The following FCMR variants were observed in gnomAD, a reference collection of about 807,000 sequenced individuals.
FCMR encodes the protein immunoglobulin mu Fc receptor.
A neutral mutation model predicts 41.6 loss-of-function variants in FCMR; 34 were observed. The observed-to-expected ratio is 0.82, with a 90% CI of 0.62 to 1.09. The LOEUF (loss-of-function observed/expected upper bound fraction) is 1.09. Among genes scored for constraint, FCMR ranks in the 50% least tolerant of loss-of-function variants. The probability of loss-of-function intolerance (pLI) is 0.00; values close to 1 mark genes in which losing one functional copy is unlikely to be tolerated. For synonymous variants in FCMR, 209 were observed against 211.8 expected (o/e 0.99, Z 0.12); for missense variants, 496 against 512.5 (o/e 0.97, Z 0.31).
chr1:206,911,581 T>C (rs1678940618), intron 4 of FCMR, 149 bp downstream of exon 4: 1 of 685,202 alleles, frequency 1.5e-6, no homozygotes, highest in African/African-American at 1.9e-5. Flanking sequence ...AAGGAACTAA[T>C]GAGTTAATGA....
chr1:206,917,793 A>T (rs1458311687), intron 1 of FCMR: 13 of 434,084 alleles, frequency 3.0e-5, no homozygotes, highest in African/African-American at 1.1e-4. Context: ...TGTGTGGCGA[A>T]TTTTTTTTTT....
chr1:206,911,767 G>T lies in FCMR; in HGVS notation c.673C>A (p.Pro225Thr), dbSNP rs892091345. The change falls in exon 4 of 8, where the codon CCC (proline) becomes ACC (threonine). Residue 225 changes from proline (P) to threonine (T), a missense_variant. Pro to Thr is a conservative substitution (Grantham distance 38). Coordinates refer to ENST00000367091, the MANE Select transcript of FCMR (RefSeq NM_005449.5). ...AGCCTGGTGTGGTGGTTGTAGCTGG[G>T]CGTCTGGGGCTTGAGCAGCCCCTCC... ...ALEGLLKPQT[P>T]SYNHHTRLHR... is the part of the protein sequence containing the mutation. 6 of 1,610,776 alleles carry T rather than the reference G, an allele frequency of 3.7e-6. No individual in the cohort carries two copies. The highest frequency in any genetic ancestry group is 5.1e-6 in the Non-Finnish European group (6 of 1,179,152).
intron 1 of FCMR, among the ~76,000 whole-genome samples, chr1:206,920,225 C>T (rs151234890): frequency 0.018 from 2,757 of 152,052 alleles, 115 homozygotes; most frequent in Admixed American, 0.097. Context: ...GAGGCCGAGG[C>T]GGGTGGATCA....
At chr1:206,919,748 A>G (rs758469350) in intron 1 of FCMR, among the ~76,000 whole-genome samples, 16 of 152,174 alleles carry the variant, frequency 1.1e-4, no homozygotes, top group Admixed American at 6.5e-5. Flanking sequence ...CTCAGGACAG[A>G]CTGAAGTGGT....
At position 206,913,308 on chromosome 1, in the gene FCMR, T is replaced by C. The variant is rs538415313; in HGVS notation, c.374-266A>G. 5.3e-5 allele frequency among the ~76,000 whole-genome samples: 8 copies of C among 152,258 alleles called. No homozygotes were observed. The East Asian group carries it at 1.5e-3, about 29-fold the overall frequency. On this transcript the variant is annotated intron_variant, in intron 2 of 7. Transcript: ENST00000367091. ...TGCTGCATATGTGTGGGGAACTCAG[T>C]GGAGGAAAGGAGAAAGGCGGGGTTC...
chr1:206,911,047 G>T (rs1417024738), intron 4 of FCMR, among the ~76,000 whole-genome samples: 1 of 152,042 alleles, frequency 6.6e-6, no homozygotes, highest in Non-Finnish European at 1.5e-5. Flanking sequence ...TAGAGAATAA[G>T]AAAATGCTGG....
rs971778939 is a variant in FCMR at position 206,921,273 on chromosome 1, T to C, written c.37+545A>G. On this transcript the variant is annotated intron_variant, in intron 1 of 7. Transcript: ENST00000367091. ...TTAAGATCCCATATTAATAGGCTAA[T>C]ATGTTTAGGAGAGATGACACCTTCA... 5.0e-5 allele frequency: 12 copies of C among 239,952 alleles called. No individual in the cohort carries two copies. The East Asian group carries it at 6.9e-4, about 14-fold the overall frequency. The allele number at this position is 239,952 out of a possible 1,614,324, so 14.9% of individuals were successfully genotyped here.
At chr1:206,921,991 G>C, upstream of FCMR, 1 of 753,216 alleles carries the variant, frequency 1.3e-6, no homozygotes, top group Non-Finnish European at 2.3e-6. Flanking sequence ...GCTTGACGAT[G>C]AGGAAATGAC....
chr1:206,907,984 GC>G, intron 7 of FCMR: 1 of 1,447,920 alleles, frequency 6.9e-7, no homozygotes, highest in Non-Finnish European at 9.7e-7. Flanking sequence ...GGTTCCTGCT[GC>G]CCTCAAGGTC....
intron 4 of FCMR, among the ~76,000 whole-genome samples, chr1:206,911,227 A>T (rs1678925741): frequency 7.2e-6 from 1 of 138,376 alleles, no homozygotes. Flanking sequence ...ACCAATTTTG[A>T]TTATTATAGG....
At chr1:206,921,040 GT>G (rs1276633710) in intron 1 of FCMR, among the ~76,000 whole-genome samples, 2 of 152,214 alleles carry the variant, frequency 1.3e-5, no homozygotes, top group African/African-American at 4.8e-5. Flanking sequence ...AGGTTAGGCA[GT>G]TTACATTTCA....
At position 206,909,449 on chromosome 1, in the gene FCMR, G is replaced by C; in HGVS notation, c.1044+13C>G. On this transcript the variant is annotated intron_variant, in intron 7 of 7. Coordinates refer to ENST00000367091, the MANE Select transcript of FCMR (RefSeq NM_005449.5). The surrounding 1 kb of genome is among the most constrained non-coding windows in gnomAD (Gnocchi z 5.0). Reference sequence around the variant, plus strand: ...GGGCCGCGGCTGCCAATCAGGGCAGGAGCGGAGCTTACCTGCAGCGGGGCG... The same window carrying C: ...GGGCCGCGGCTGCCAATCAGGGCAGCAGCGGAGCTTACCTGCAGCGGGGCG... 1 of 1,271,508 alleles carries C rather than the reference G, an allele frequency of 7.9e-7. No individual in the cohort carries two copies. Among genetic ancestry groups the C allele is most frequent in the Non-Finnish European group, 9.9e-7 (1 of 1,008,970 alleles). 78.8% of individuals were successfully genotyped at this position (1,271,508 alleles called of 1,614,324 possible).
chr1:206,907,723 C>T (rs1678732675), intron 7 of FCMR: 4 of 944,944 alleles, frequency 4.2e-6, no homozygotes, highest in African/African-American at 1.6e-5. Flanking sequence ...AGGTGGTTGT[C>T]GTACGCTGGG....
intron 3 of FCMR, 115 bp from the exon 4 acceptor site, chr1:206,912,067 G>T: frequency 1.3e-6 from 1 of 767,792 alleles, no homozygotes. Context: ...GACTACTTCT[G>T]TTCTTGCAGT....
intron 5 of FCMR, 63 bp downstream of exon 5, chr1:206,910,147 G>T: frequency 6.9e-7 from 1 of 1,451,148 alleles, no homozygotes; most frequent in Non-Finnish European, 9.1e-7. Context: ...TTCAAAAGGG[G>T]GTTCTGAACG....
At chr1:206,912,398 A>T (rs1678980668) in intron 3 of FCMR, among the ~76,000 whole-genome samples, 1 of 152,236 alleles carries the variant, frequency 6.6e-6, no homozygotes, top group Admixed American at 6.5e-5. Flanking sequence ...TGTCTACCTC[A>T]TAGGCATATG....
chr1:206,910,342 T>C lies in FCMR; in HGVS notation c.711-2A>G. On this transcript the variant is annotated splice_acceptor_variant, in intron 4 of 7. Transcript: ENST00000367091. LOFTEE classifies it high-confidence loss of function. ...GACTGTGAGCCATAGTCCAGTGCTCTGGGGAGGGAAGGAAAGGGAGAGAGG... is the reference window on the plus strand; with the variant it reads ...GACTGTGAGCCATAGTCCAGTGCTCCGGGGAGGGAAGGAAAGGGAGAGAGG... The C allele has an allele frequency of 6.5e-7, 1 of 1,544,244 alleles. No individual in the cohort carries two copies. The highest frequency in any genetic ancestry group is 1.4e-5 in the African/African-American group (1 of 72,238).
Position 206,910,210 on chromosome 1 carries a change from C to G in FCMR, c.841G>C (p.Ala281Pro). ...VVKRAVERRK[A>P]LSRRARRLAV... ...TCCCTACCGAAGCCCAGCCGCTCAC[C>G]TTTCCTCCTTTCAACGGCCCTTTTC... is the stretch of plus-strand genomic sequence containing the variant. Residue 281 changes from alanine (A) to proline (P), a missense_variant and splice_region_variant, in exon 5 of 8, where the codon GCC (alanine) becomes CCC (proline). Transcript: ENST00000367091. 1 of 1,600,116 alleles carries G rather than the reference C, an allele frequency of 6.2e-7. No homozygotes were observed. Among genetic ancestry groups the G allele is most frequent in the Non-Finnish European group, 8.5e-7 (1 of 1,174,470 alleles).
At position 206,909,497 on chromosome 1, in the gene FCMR, C is replaced by T. The variant is rs372229079; in HGVS notation, c.1009G>A (p.Gly337Ser). ...AAGTGEAPVP[G>S]PGAPLPPAPL... ...GCGGGGGGCAACGGCGCTCCGGGGC[C>T]GGGAACGGGGGCCTCCCCTGTGCCT... The change falls in exon 7 of 8, where the codon GGC (glycine) becomes AGC (serine). Residue 337 changes from glycine (G) to serine (S), a missense_variant. Transcript: ENST00000367091. This position sits in a 1 kb window ranked among gnomAD's most constrained non-coding sequence, Gnocchi z 5.0. 72 of 1,285,816 alleles carry T rather than the reference C, an allele frequency of 5.6e-5. 2 individuals are homozygous for T. The South Asian group carries it at 1.6e-3, about 29-fold the overall frequency. The allele number at this position is 1,285,816 out of a possible 1,614,324, so 79.7% of individuals were successfully genotyped here. A position where few individuals can be genotyped will look rare whatever the true frequency, so the allele number is the denominator to read the frequency against.
Sources: gnomAD v4.1 joint callset for allele counts (sites outside exome capture counted in the v4.1 genomes callset) on GRCh38, gnomAD v4.1.1 for gene constraint, Gnocchi (gnomAD v3.1) non-coding constraint, MANE v1.5 for transcripts, NCBI Gene and HGNC (gene_info 2026-07-23, HGNC 2026-07-21) for gene names.